CLDN1: variants seen among roughly 807,000 people sequenced by gnomAD.
The protein encoded by CLDN1 is claudin 1.
CLDN1 carries 12 observed loss-of-function variants against 22.6 expected under a neutral mutation model. That is an observed-to-expected ratio of 0.53 (90% CI 0.34 to 0.86). The LOEUF (loss-of-function observed/expected upper bound fraction) is 0.86, where lower values mean the gene tolerates loss of function less well. Among genes scored for constraint, CLDN1 ranks in the 40% least tolerant of loss-of-function variants. The pLI, the probability that CLDN1 is intolerant of heterozygous loss-of-function variation, is 0.02. For synonymous variants in CLDN1, 99 were observed against 103.8 expected, an observed-to-expected ratio of 0.95 and a Z score of 0.28; for missense variants, 250 against 269.5, an observed-to-expected ratio of 0.93 and a Z score of 0.51.
intron 1 of CLDN1, among the ~76,000 whole-genome samples, chr3:190,314,870 C>G (rs975469227): frequency 3.9e-5 from 6 of 152,200 alleles, no homozygotes; most frequent in African/African-American, 1.4e-4. Context: ...CACATGCACA[C>G]TGACCCACAC....
intron 1 of CLDN1, among the ~76,000 whole-genome samples, chr3:190,314,667 G>T (rs147120837): frequency 6.6e-6 from 1 of 152,050 alleles, no homozygotes; most frequent in East Asian, 1.9e-4. Context: ...GCCTCCCAAA[G>T]TTCTGGGATT....
Position 190,308,138 on chromosome 3 carries a change from T to C in CLDN1, c.*139A>G, listed in dbSNP as rs1281124732. The C allele has an allele frequency of 4.8e-6, 5 of 1,037,324 alleles. No homozygotes were observed. The highest frequency in any genetic ancestry group is 3.2e-5 in the African/African-American group (2 of 63,322). 64.3% of individuals were successfully genotyped at this position (1,037,324 alleles called of 1,614,324 possible). ...AGCACTGAGTATTTTAACACATGGG[T>C]TTTTTGTTTGTTTGTTTGTTTTGTA... On this transcript the variant is annotated 3_prime_UTR_variant, in exon 4 of 4. Coordinates refer to ENST00000295522, the MANE Select transcript of CLDN1 (RefSeq NM_021101.5).
rs1716494096 is a variant in CLDN1 at position 190,307,724 on chromosome 3, A to G, written c.*553T>C. 1.3e-5 allele frequency: 2 copies of G among 152,922 alleles called. No individual in the cohort carries two copies. Among genetic ancestry groups the G allele is most frequent in the African/African-American group, 4.8e-5 (2 of 41,456 alleles). 9.5% of individuals were successfully genotyped at this position (152,922 alleles called of 1,614,324 possible). Reference sequence around the variant, plus strand: ...TATATGAAAAGGGCACGCATGAAGAATTGAAAGAATTCATCCTTGGTAAAT... The same window carrying G: ...TATATGAAAAGGGCACGCATGAAGAGTTGAAAGAATTCATCCTTGGTAAAT... On this transcript the variant is annotated 3_prime_UTR_variant, in exon 4 of 4. Coordinates refer to ENST00000295522, the MANE Select transcript of CLDN1 (RefSeq NM_021101.5).
At chr3:190,312,179 C>A (rs1187020980) in intron 2 of CLDN1, among the ~76,000 whole-genome samples, 1 of 151,998 alleles carries the variant, frequency 6.6e-6, no homozygotes, top group Non-Finnish European at 1.5e-5. Context: ...GATCCGCCCT[C>A]CTCAGCCTCC....
Position 190,322,244 on chromosome 3 carries a change from G to A in CLDN1, c.-38C>T. 6.3e-7 allele frequency: 1 copy of A among 1,588,484 alleles called. No individual in the cohort carries two copies. The highest frequency in any genetic ancestry group is 1.3e-5 in the African/African-American group (1 of 74,568). ...CGCCCGCGCTGGCTCAGGGGTGGCA[G>A]GTGCAGAAGGCGGAGAGTTTGCAGG... On this transcript the variant is annotated 5_prime_UTR_variant, in exon 1 of 4. Transcript: ENST00000295522.
rs773376637 is a variant in CLDN1 at position 190,310,239 on chromosome 3, C to T, written c.403G>A (p.Val135Ile). The change falls in exon 3 of 4, where the codon GTT (valine) becomes ATT (isoleucine). Residue 135 changes from valine to isoleucine, a missense_variant. Physicochemically the swap from Val to Ile is conservative, Grantham distance 29 (BLOSUM62 3). Transcript: ENST00000295522. ...CTATTGCCATACCATGCTGTGGCAA[C>T]TAAAATAGCCAGACCTATAGAAATT... The part of the protein sequence containing the change: ...IFLLAGLAIL[V>I]ATAWYGNRIV... 1.2e-5 allele frequency: 19 copies of T among 1,613,080 alleles called. No individual in the cohort carries two copies. The highest frequency in any genetic ancestry group is 1.5e-5 in the Non-Finnish European group (18 of 1,179,356).
intron 1 of CLDN1, chr3:190,313,264 T>C (rs557150123): frequency 1.3e-5 from 7 of 537,646 alleles, no homozygotes; most frequent in Non-Finnish European, 2.3e-5. Flanking sequence ...CACTCCAATA[T>C]TTTATGTTTC....
chr3:190,317,173 A>G (rs1577391177), intron 1 of CLDN1, among the ~76,000 whole-genome samples: 1 of 152,318 alleles, frequency 6.6e-6, no homozygotes, highest in East Asian at 1.9e-4. Flanking sequence ...CTAGGAACAA[A>G]CATATTCCTT....
At chr3:190,320,947 C>T (rs1249088396) in intron 1 of CLDN1, among the ~76,000 whole-genome samples, 6 of 149,422 alleles carry the variant, frequency 4.0e-5, no homozygotes, top group African/African-American at 1.5e-4. Context: ...ACAAGGAACT[C>T]GAAACCTTTA....
intron 1 of CLDN1, among the ~76,000 whole-genome samples, chr3:190,313,859 A>G (rs1716693004): frequency 6.6e-6 from 1 of 152,200 alleles, no homozygotes; most frequent in Non-Finnish European, 1.5e-5. Context: ...AGTTTGAGAC[A>G]TTATCACTAT....
intron 2 of CLDN1, 85 bp from the exon 3 acceptor site, chr3:190,310,338 G>T: frequency 9.7e-7 from 1 of 1,032,406 alleles, no homozygotes; most frequent in South Asian, 1.3e-5. Context: ...AACATATTTT[G>T]CAAGAATTAA....
chr3:190,319,253 T>A (rs573505668), intron 1 of CLDN1, among the ~76,000 whole-genome samples: 182 of 152,326 alleles, frequency 1.2e-3, no homozygotes, highest in East Asian at 3.9e-3. Context: ...AAAAGTCTAC[T>A]ACAACTGTAT....
chr3:190,310,155 C>T lies in CLDN1; in HGVS notation c.473+14G>A, dbSNP rs1356446551. 6 of 1,607,328 alleles carry T rather than the reference C, an allele frequency of 3.7e-6. No homozygotes were observed. Among genetic ancestry groups the T allele is most frequent in the Non-Finnish European group, 4.3e-6 (5 of 1,174,096 alleles). ...TCTCAGAAAACAAACTATTTTACGCCTGAATAGCGTTACCTGGCATTGACT... is the reference window on the plus strand; with the variant it reads ...TCTCAGAAAACAAACTATTTTACGCTTGAATAGCGTTACCTGGCATTGACT... On this transcript the variant is annotated intron_variant, in intron 3 of 3. Coordinates refer to ENST00000295522, the MANE Select transcript of CLDN1 (RefSeq NM_021101.5).
intron 3 of CLDN1, 30 bp from the exon 4 acceptor site, chr3:190,308,469 T>G (rs376856552): frequency 1.3e-5 from 21 of 1,610,472 alleles, no homozygotes; most frequent in East Asian, 1.1e-4. Flanking sequence ...TGCTTGTTAA[T>G]CAGTGAATTA....
chr3:190,321,528 A>G (rs576479059), intron 1 of CLDN1, among the ~76,000 whole-genome samples: 66 of 152,244 alleles, frequency 4.3e-4, no homozygotes, highest in Non-Finnish European at 8.5e-4. Context: ...TTAAAAAGTT[A>G]TATCTAATAC....
intron 2 of CLDN1, among the ~76,000 whole-genome samples, chr3:190,311,749 G>C (rs575028241): frequency 1.3e-5 from 2 of 150,892 alleles, no homozygotes; most frequent in African/African-American, 4.9e-5. Context: ...TAGATATAAA[G>C]ATATATATAT....
chr3:190,316,467 C>T (rs541479513), intron 1 of CLDN1, among the ~76,000 whole-genome samples: 10 of 152,306 alleles, frequency 6.6e-5, no homozygotes, highest in African/African-American at 2.2e-4. Context: ...CACGAAAACT[C>T]ACAAGCAAGG....
chr3:190,312,186 C>A (rs1320228840), intron 2 of CLDN1, among the ~76,000 whole-genome samples: 1 of 152,054 alleles, frequency 6.6e-6, no homozygotes, highest in African/African-American at 2.4e-5. Flanking sequence ...CCTCCTCAGC[C>A]TCCAAAAGTG....
rs935289849 is a variant in CLDN1 at position 190,316,327 on chromosome 3, A to T, written c.224-3291T>A. 1.3e-5 allele frequency among the ~76,000 whole-genome samples: 2 copies of T among 152,246 alleles called. 1 individual carries two copies. Among genetic ancestry groups the T allele is most frequent in the Admixed American group, 1.3e-4 (2 of 15,292 alleles). ...TTGTATGTTCCAATATTAGATTTGC[A>T]TCAAACCCAAAATCTTGCTTTGCTT... On this transcript the variant is annotated intron_variant, in intron 1 of 3. Transcript: ENST00000295522.
Sources: allele counts gnomAD v4.1 joint callset (sites outside exome capture counted in the v4.1 genomes callset), GRCh38; gene constraint gnomAD v4.1.1; transcripts MANE v1.5; gene names NCBI Gene and HGNC (gene_info 2026-07-23, HGNC 2026-07-21).